LHX5: variants seen among roughly 807,000 people sequenced by gnomAD.
The protein encoded by LHX5 is LIM/homeobox protein Lhx5.
Under a neutral mutation model 30.6 loss-of-function variants are expected in LHX5, and 5 were observed. The observed-to-expected ratio is 0.16, with a 90% CI of 0.09 to 0.34. The LOEUF is 0.34. Among genes scored for constraint, LHX5 ranks in the 10% least tolerant of loss-of-function variants. The probability of loss-of-function intolerance (pLI) is 1.00; values close to 1 mark genes in which losing one functional copy is unlikely to be tolerated. For missense variants in LHX5, 458 were observed against 570.6 expected (o/e 0.80, Z 2.01); for synonymous variants, 266 against 252.6 (o/e 1.05, Z -0.50).
Position 113,466,321 on chromosome 12 carries a change from C to T in LHX5, c.841+935G>A, listed in dbSNP as rs1011470311. On this transcript the variant is annotated intron_variant, in intron 4 of 4. Coordinates refer to ENST00000261731, the MANE Select transcript of LHX5 (RefSeq NM_022363.3). This position sits in a 1 kb window ranked among gnomAD's most constrained non-coding sequence, Gnocchi z 6.5. Reference sequence around the variant, plus strand: ...GTGAGCTTGGTGAGCTCAAGCAATGCGGCTCAGGGTAAGGAGCTGAAAAAA... The same window carrying T: ...GTGAGCTTGGTGAGCTCAAGCAATGTGGCTCAGGGTAAGGAGCTGAAAAAA... Among the ~76,000 whole-genome samples the T allele has an allele frequency of 6.6e-6, 1 of 152,128 alleles. No individual in the cohort carries two copies. Among genetic ancestry groups the T allele is most frequent in the African/African-American group, 2.4e-5 (1 of 41,430 alleles).
At position 113,467,168 on chromosome 12, in the gene LHX5, C is replaced by A. The variant is rs1593327837; in HGVS notation, c.841+88G>T. 2.4e-6 allele frequency: 3 copies of A among 1,274,884 alleles called. No individual in the cohort carries two copies. The African/African-American group carries it at 4.5e-5, about 19-fold the overall frequency. 79.0% of individuals were successfully genotyped at this position (1,274,884 alleles called of 1,614,324 possible). On this transcript the variant is annotated intron_variant, in intron 4 of 4. Transcript: ENST00000261731. The surrounding 1 kb of genome is among the most constrained non-coding windows in gnomAD (Gnocchi z 6.3). ...CCAGCGAGTGGGCGATGTTCTGGAG[C>A]GGCGGAAAGCGTGCTGGCCGGGACC...
Position 113,464,131 on chromosome 12 carries a change from A to C in LHX5, c.842-574T>G, listed in dbSNP as rs1958196954. On this transcript the variant is annotated intron_variant, in intron 4 of 4. Coordinates refer to ENST00000261731, the MANE Select transcript of LHX5 (RefSeq NM_022363.3). The surrounding 1 kb of genome is among the most constrained non-coding windows in gnomAD (Gnocchi z 6.2). ...TCGAGGAGACGCAGAGAGAGGAAAGACGGCCGCGGTTAGAGACACGCGTGG... is the reference window on the plus strand; with the variant it reads ...TCGAGGAGACGCAGAGAGAGGAAAGCCGGCCGCGGTTAGAGACACGCGTGG... Among the ~76,000 whole-genome samples the C allele has an allele frequency of 6.6e-6, 1 of 152,144 alleles. No individual in the cohort carries two copies.
chr12:113,465,587 A>T lies in LHX5; in HGVS notation c.841+1669T>A, dbSNP rs1186100191. On this transcript the variant is annotated intron_variant, in intron 4 of 4. Coordinates refer to ENST00000261731, the MANE Select transcript of LHX5 (RefSeq NM_022363.3). This position sits in a 1 kb window ranked among gnomAD's most constrained non-coding sequence, Gnocchi z 6.7. ...GGAGTCTTCCCCACCATTACGGGGA[A>T]CGAGGGGCCCCCAGTATCCAGCTCC... Among the ~76,000 whole-genome samples, 1 of 152,098 alleles carries T rather than the reference A, an allele frequency of 6.6e-6. No individual in the cohort carries two copies. Among genetic ancestry groups the T allele is most frequent in the Non-Finnish European group, 1.5e-5 (1 of 67,976 alleles).
chr12:113,463,029 C>G lies in LHX5; in HGVS notation c.*161G>C. The G allele has an allele frequency of 7.8e-6, 5 of 642,528 alleles. No individual in the cohort carries two copies. The highest frequency in any genetic ancestry group is 1.2e-5 in the Non-Finnish European group (5 of 405,830). The allele number at this position is 642,528 out of a possible 1,614,324, so 39.8% of individuals were successfully genotyped here. On this transcript the variant is annotated 3_prime_UTR_variant, in exon 5 of 5. Coordinates refer to ENST00000261731, the MANE Select transcript of LHX5 (RefSeq NM_022363.3). This position sits in a 1 kb window ranked among gnomAD's most constrained non-coding sequence, Gnocchi z 6.7. ...GAGATGGGGGTCGGCCCCCCCTCGGCGCCCAGCCGAGGAGCAGCTGCCAGT... is the reference window on the plus strand; with the variant it reads ...GAGATGGGGGTCGGCCCCCCCTCGGGGCCCAGCCGAGGAGCAGCTGCCAGT...
At position 113,464,140 on chromosome 12, in the gene LHX5, G is replaced by A. The variant is rs1221982153; in HGVS notation, c.842-583C>T. ...CGCAGAGAGAGGAAAGACGGCCGCGGTTAGAGACACGCGTGGAAACCCCCG... is the reference window on the plus strand; with the variant it reads ...CGCAGAGAGAGGAAAGACGGCCGCGATTAGAGACACGCGTGGAAACCCCCG... On this transcript the variant is annotated intron_variant, in intron 4 of 4. Transcript: ENST00000261731. This position sits in a 1 kb window ranked among gnomAD's most constrained non-coding sequence, Gnocchi z 6.2. 6.6e-6 allele frequency among the ~76,000 whole-genome samples: 1 copy of A among 152,222 alleles called. No individual in the cohort carries two copies. Among genetic ancestry groups the A allele is most frequent in the Non-Finnish European group, 1.5e-5 (1 of 68,034 alleles).
rs760379467 is a variant in LHX5, at chr12:113,462,292, G to T, written c.*898C>A. 1 of 152,162 alleles carries T rather than the reference G, an allele frequency of 6.6e-6. No individual in the cohort carries two copies. Among genetic ancestry groups the T allele is most frequent in the Non-Finnish European group, 1.5e-5 (1 of 68,028 alleles). The allele number at this position is 152,162 out of a possible 1,614,324, so 9.4% of individuals were successfully genotyped here. A position where few individuals can be genotyped will look rare whatever the true frequency, so the allele number is the denominator to read the frequency against. Reference sequence around the variant, plus strand: ...CTAGAAGCGTTCAACTTCCAAAAAAGTATAATATTGTACATCCTGACGGCC... The same window carrying T: ...CTAGAAGCGTTCAACTTCCAAAAAATTATAATATTGTACATCCTGACGGCC... On this transcript the variant is annotated 3_prime_UTR_variant, in exon 5 of 5. Coordinates refer to ENST00000261731, the MANE Select transcript of LHX5 (RefSeq NM_022363.3).
chr12:113,463,566 G>GGGGAGCGGGAAGGAGACA lies in LHX5; in HGVS notation c.842-27_842-10dup. The GGGGAGCGGGAAGGAGACA allele has an allele frequency of 1.3e-6, 2 of 1,519,060 alleles. No individual in the cohort carries two copies. Among genetic ancestry groups the GGGGAGCGGGAAGGAGACA allele is most frequent in the Non-Finnish European group, 1.8e-6 (2 of 1,140,368 alleles). The allele number at this position is 1,519,060 out of a possible 1,614,324, so 94.1% of individuals were successfully genotyped here. A position where few individuals can be genotyped will look rare whatever the true frequency, so the allele number is the denominator to read the frequency against. ...GTAGTCGCCTTGGTAGTCTGCGGAG[G>GGGGAGCGGGAAGGAGACA]GGGAGCGGGAAGGAGACAGGGCGCG... is the stretch of plus-strand genomic sequence containing the variant. On this transcript the variant is annotated splice_polypyrimidine_tract_variant and intron_variant, in intron 4 of 4. Coordinates refer to ENST00000261731, the MANE Select transcript of LHX5 (RefSeq NM_022363.3). This position sits in a 1 kb window ranked among gnomAD's most constrained non-coding sequence, Gnocchi z 6.7.
At position 113,465,814 on chromosome 12, in the gene LHX5, C is replaced by A. The variant is rs1958211630; in HGVS notation, c.841+1442G>T. 6.6e-6 allele frequency among the ~76,000 whole-genome samples: 1 copy of A among 151,952 alleles called. No homozygotes were observed. The highest frequency in any genetic ancestry group is 2.4e-5 in the African/African-American group (1 of 41,372). Reference sequence around the variant, plus strand: ...TGGAGAGAGTCGGTGAGTGGAGACTCCGGAAGACACGCCCACCATCCGGGC... The same window carrying A: ...TGGAGAGAGTCGGTGAGTGGAGACTACGGAAGACACGCCCACCATCCGGGC... On this transcript the variant is annotated intron_variant, in intron 4 of 4. Transcript: ENST00000261731. The surrounding 1 kb of genome is among the most constrained non-coding windows in gnomAD (Gnocchi z 6.7).
chr12:113,471,420 T>C lies in LHX5; in HGVS notation c.79A>G (p.Ile27Val). 1 of 1,613,554 alleles carries C rather than the reference T, an allele frequency of 6.2e-7. No homozygotes were observed. Among genetic ancestry groups the C allele is most frequent in the South Asian group, 1.1e-5 (1 of 90,962 alleles). Residue 27 changes from isoleucine (I) to valine (V), a missense_variant, in exon 1 of 5, where the codon ATC becomes GTC. Ile to Val is a conservative substitution (Grantham distance 29, BLOSUM62 3). Around this residue, in one of 3 missense-constraint regions of LHX5, gnomAD observed 178 missense variants for 238.5 expected, o/e 0.75. Coordinates refer to ENST00000261731, the MANE Select transcript of LHX5 (RefSeq NM_022363.3). ...LLNVLDRAWH[I>V]KCVQCCECKT... ...CACTCGCAGCACTGAACACATTTGA[T>C]GTGCCACGCGCGGTCCAGCACGTTC...
rs1198724281 is a variant in LHX5, at chr12:113,464,997, C to T, written c.842-1440G>A. On this transcript the variant is annotated intron_variant, in intron 4 of 4. Transcript: ENST00000261731. The surrounding 1 kb of genome is among the most constrained non-coding windows in gnomAD (Gnocchi z 6.2). The stretch of plus-strand genomic sequence containing the variant: ...TGTACCAGGCACCCGCTTTGTACGG[C>T]GGGAAAACCAGCGAGTCCAGAAGCC... Among the ~76,000 whole-genome samples, 1 of 152,068 alleles carries T rather than the reference C, an allele frequency of 6.6e-6. No homozygotes were observed. Among genetic ancestry groups the T allele is most frequent in the Admixed American group, 6.5e-5 (1 of 15,270 alleles).
In LHX5 at chr12:113,463,892, A is replaced by G. The variant is rs1958195147; in HGVS notation, c.842-335T>C. The stretch of plus-strand genomic sequence containing the variant: ...TTCAGTCACAGGTTCCCTGACACCT[A>G]GAGATGGAGAGAGACAGAGGCGGCC... On this transcript the variant is annotated intron_variant, in intron 4 of 4. Coordinates refer to ENST00000261731, the MANE Select transcript of LHX5 (RefSeq NM_022363.3). The surrounding 1 kb of genome is among the most constrained non-coding windows in gnomAD (Gnocchi z 6.7). Among the ~76,000 whole-genome samples the G allele has an allele frequency of 6.6e-6, 1 of 152,178 alleles. No homozygotes were observed. Among genetic ancestry groups the G allele is most frequent in the African/African-American group, 2.4e-5 (1 of 41,450 alleles).
chr12:113,464,371 G>C lies in LHX5; in HGVS notation c.842-814C>G, dbSNP rs537740263. ...GTTGAGACCGGGAAGCGACCTGGCCGGGGGAAACTGGATCCGGGCCGCGGC... is the reference window on the plus strand; with the variant it reads ...GTTGAGACCGGGAAGCGACCTGGCCCGGGGAAACTGGATCCGGGCCGCGGC... On this transcript the variant is annotated intron_variant, in intron 4 of 4. Transcript: ENST00000261731. This position sits in a 1 kb window ranked among gnomAD's most constrained non-coding sequence, Gnocchi z 6.2. Among the ~76,000 whole-genome samples the C allele has an allele frequency of 1.3e-5, 2 of 152,194 alleles. No homozygotes were observed. Among genetic ancestry groups the C allele is most frequent in the Non-Finnish European group, 2.9e-5 (2 of 68,030 alleles).
At position 113,465,360 on chromosome 12, in the gene LHX5, C is replaced by G. The variant is rs1430833451; in HGVS notation, c.842-1803G>C. On this transcript the variant is annotated intron_variant, in intron 4 of 4. Transcript: ENST00000261731. This position sits in a 1 kb window ranked among gnomAD's most constrained non-coding sequence, Gnocchi z 6.7. ...GCTGCCCCCGCGCCGTGCGCGCCGC[C>G]TCCGCCCATATGGCGGCCGGGCCGG... Among the ~76,000 whole-genome samples the G allele has an allele frequency of 6.6e-6, 1 of 152,230 alleles. No homozygotes were observed. The highest frequency in any genetic ancestry group is 2.4e-5 in the African/African-American group (1 of 41,468).
chr12:113,470,743 A>T (rs547682477), intron 1 of LHX5, among the ~76,000 whole-genome samples: 27 of 152,284 alleles, frequency 1.8e-4, no homozygotes, highest in Non-Finnish European at 2.9e-4. Context: ...TAGACCCCAG[A>T]GGTCCTGATT....
intron 2 of LHX5, among the ~76,000 whole-genome samples, chr12:113,468,668 G>T (rs908252751): frequency 2.0e-5 from 3 of 152,236 alleles, no homozygotes; most frequent in East Asian, 1.9e-4. Flanking sequence ...AGGGTAGGGG[G>T]ACGCGTACCC....
Position 113,463,310 on chromosome 12 carries a change from G to C in LHX5, c.1089C>G (p.Pro363=), listed in dbSNP as rs1406258933. 3 of 1,534,788 alleles carry C rather than the reference G, an allele frequency of 2.0e-6. No homozygotes were observed. Among genetic ancestry groups the C allele is most frequent in the Non-Finnish European group, 2.6e-6 (3 of 1,142,606 alleles). Residue 363 remains proline (P), a synonymous_variant, in exon 5 of 5, where the codon CCC becomes CCG. Transcript: ENST00000261731. The surrounding 1 kb of genome is among the most constrained non-coding windows in gnomAD (Gnocchi z 6.7). ...CGCCGCTGAATACCTCGCCGGGCAT[G>C]GGGTGCAGCGTGCCCGGCAGGCCTG... ...PEPGLPGTLH[P]MPGEVFSGGP... is the part of the protein sequence containing the mutation.
rs953322580 is a variant in LHX5 at position 113,471,856 on chromosome 12, A to T, written c.-358T>A. 3 of 267,718 alleles carry T rather than the reference A, an allele frequency of 1.1e-5. No homozygotes were observed. Among genetic ancestry groups the T allele is most frequent in the East Asian group, 7.2e-5 (1 of 13,836 alleles). 16.6% of individuals were successfully genotyped at this position (267,718 alleles called of 1,614,324 possible). On this transcript the variant is annotated 5_prime_UTR_variant, in exon 1 of 5. Transcript: ENST00000261731. ...TTTCCCCCACTTTCAAGCGGTCCGG[A>T]TCCTCATCTTTGTCTGGTCGCCGCG...
Position 113,469,088 on chromosome 12 carries a change from G to C in LHX5, c.397+34C>G, listed in dbSNP as rs372494966. On this transcript the variant is annotated intron_variant, in intron 2 of 4. Coordinates refer to ENST00000261731, the MANE Select transcript of LHX5 (RefSeq NM_022363.3). ...GCTGGGCACGGTGGGAGGGTGCTAAGGCCTAAGGCTAGTGAGGGGCCCAGG... is the reference window on the plus strand; with the variant it reads ...GCTGGGCACGGTGGGAGGGTGCTAACGCCTAAGGCTAGTGAGGGGCCCAGG... 368 of 1,529,530 alleles carry C rather than the reference G, an allele frequency of 2.4e-4. No homozygotes were observed. The African/African-American group carries it at 4.5e-3, about 19-fold the overall frequency. The allele number at this position is 1,529,530 out of a possible 1,614,324, so 94.7% of individuals were successfully genotyped here. A position where few individuals can be genotyped will look rare whatever the true frequency, so the allele number is the denominator to read the frequency against.
chr12:113,471,520 C>T lies in LHX5; in HGVS notation c.-22G>A, dbSNP rs763642303. 5.1e-6 allele frequency: 8 copies of T among 1,563,336 alleles called. No individual in the cohort carries two copies. In the Admixed American group the frequency reaches 5.7e-5, roughly 11 times the overall value. On this transcript the variant is annotated 5_prime_UTR_variant, in exon 1 of 5. Transcript: ENST00000261731. ...TCATAGCCCCGCGCCCCGGCGGCTTCGGCCGCCTTGCCCTCCCTTTGGGCC... is the reference window on the plus strand; with the variant it reads ...TCATAGCCCCGCGCCCCGGCGGCTTTGGCCGCCTTGCCCTCCCTTTGGGCC...
Sources: gnomAD v4.1 joint callset for allele counts (sites outside exome capture counted in the v4.1 genomes callset) on GRCh38, gnomAD v4.1.1 for gene constraint, gnomAD v4.1.1 regional missense constraint, Gnocchi (gnomAD v3.1) non-coding constraint, MANE v1.5 for transcripts, NCBI Gene and HGNC (gene_info 2026-07-23, HGNC 2026-07-21) for gene names.